METTL15: variants seen among roughly 807,000 people sequenced by gnomAD.
METTL15 encodes methyltransferase 15, mitochondrial 12S rRNA N4-cytidine.
METTL15 carries 34 observed loss-of-function variants against 38.3 expected under a neutral mutation model. The ratio of observed to expected loss-of-function variants is 0.89; its 90% CI spans 0.68 to 1.18. METTL15 has a LOEUF of 1.18. Among genes scored for constraint, METTL15 ranks in the 50% most tolerant of loss-of-function variants. The pLI, the probability that METTL15 is intolerant of heterozygous loss-of-function variation, is 0.00. For missense variants in METTL15, 438 were observed against 498.4 expected (o/e 0.88, Z 1.15); for synonymous variants, 162 against 170.9 (o/e 0.95, Z 0.41).
chr11:28,361,536 AT>A (rs1850138696), intron 4 of METTL15, among the ~76,000 whole-genome samples: 2 of 152,110 alleles, frequency 1.3e-5, no homozygotes, highest in South Asian at 4.1e-4. Context: ...AAGAAAGAAA[AT>A]ATCTCCCTCT....
chr11:28,452,727 T>C (rs1052509510), intron 6 of METTL15, among the ~76,000 whole-genome samples: 1 of 152,228 alleles, frequency 6.6e-6, no homozygotes, highest in Non-Finnish European at 1.5e-5. Context: ...GTTCATATTG[T>C]TGAGCCTATG....
At chr11:28,141,069 T>C (rs1849683291) in intron 3 of METTL15, among the ~76,000 whole-genome samples, 1 of 152,184 alleles carries the variant, frequency 6.6e-6, no homozygotes, top group Non-Finnish European at 1.5e-5. Context: ...AGATAGTGTT[T>C]AGTCATAGCA....
chr11:28,220,714 C>T (rs1853166951), intron 4 of METTL15, among the ~76,000 whole-genome samples: 2 of 152,070 alleles, frequency 1.3e-5, no homozygotes, highest in South Asian at 2.1e-4. Context: ...TGTTCGTTTC[C>T]ATGTTTAGTG....
intron 4 of METTL15, among the ~76,000 whole-genome samples, chr11:28,262,651 C>T (rs1415777722): frequency 6.6e-6 from 1 of 152,042 alleles, no homozygotes; most frequent in African/African-American, 2.4e-5. Context: ...ATACTGGATC[C>T]TACTTGCCAT....
In METTL15 at chr11:28,437,630, A is replaced by G. The variant is rs1296280566; in HGVS notation, c.*424+13266A>G. On this transcript the variant is annotated intron_variant and NMD_transcript_variant, in intron 6 of 7. Transcript: ENST00000532947. ...ATACTTGAATGTCAAAATTTGCCTC[A>G]ATTTACAGTTTTGCTTAAATCTCTC... 3.3e-5 allele frequency among the ~76,000 whole-genome samples: 5 copies of G among 152,176 alleles called. 1 individual carries two copies. The East Asian group carries it at 9.6e-4, about 29-fold the overall frequency.
intron 5 of METTL15, among the ~76,000 whole-genome samples, chr11:28,418,772 G>T (rs537493291): frequency 3.3e-5 from 5 of 152,250 alleles, no homozygotes; most frequent in Admixed American, 6.5e-5. Context: ...TGGCAATTAG[G>T]GCAGGCAAAG....
At chr11:28,216,552 G>T (rs554934103) in intron 4 of METTL15, among the ~76,000 whole-genome samples, 1 of 152,052 alleles carries the variant, frequency 6.6e-6, no homozygotes, top group African/African-American at 2.4e-5. Context: ...ACACAATCTA[G>T]TAGTGAGAAA....
intron 3 of METTL15, among the ~76,000 whole-genome samples, chr11:28,141,061 AT>A (rs1192617243): frequency 3.9e-5 from 6 of 152,200 alleles, no homozygotes; most frequent in Non-Finnish European, 5.9e-5. Flanking sequence ...TGCAGCAGAG[AT>A]AGTGTTTAGT....
intron 4 of METTL15, among the ~76,000 whole-genome samples, chr11:28,231,830 A>G (rs1360388208): frequency 6.6e-6 from 1 of 151,864 alleles, no homozygotes; most frequent in South Asian, 2.1e-4. Context: ...TGCTACCTTT[A>G]TCCAAGCTTT....
intron 6 of METTL15, among the ~76,000 whole-genome samples, chr11:28,503,752 C>T (rs567436646): frequency 6.6e-6 from 1 of 151,430 alleles, no homozygotes; most frequent in East Asian, 2.0e-4. Context: ...GATCGTGCCA[C>T]TGCACTCCAG....
chr11:28,135,725 A>T (rs534278002), intron 3 of METTL15, among the ~76,000 whole-genome samples: 116 of 152,332 alleles, frequency 7.6e-4, no homozygotes, highest in African/African-American at 2.7e-3. Flanking sequence ...TAGTTTCCAA[A>T]TTCTGGAGAT....
chr11:28,159,132 C>A (rs940013923), intron 3 of METTL15, among the ~76,000 whole-genome samples: 1 of 152,066 alleles, frequency 6.6e-6, no homozygotes, highest in African/African-American at 2.4e-5. Flanking sequence ...CACAAAAATT[C>A]CATTAAACTG....
At chr11:28,155,207 A>G (rs1002488505) in intron 3 of METTL15, among the ~76,000 whole-genome samples, 6 of 152,144 alleles carry the variant, frequency 3.9e-5, no homozygotes, top group Admixed American at 2.6e-4. Context: ...ATTAGATCCA[A>G]TACATCCCCA....
chr11:28,375,562 T>C (rs1365564264), intron 5 of METTL15, among the ~76,000 whole-genome samples: 4 of 152,158 alleles, frequency 2.6e-5, no homozygotes, highest in Non-Finnish European at 4.4e-5. Context: ...TCTCTTTTTT[T>C]CTTTATTAGT....
chr11:28,137,533 A>G (rs1447847872), intron 3 of METTL15, among the ~76,000 whole-genome samples: 1 of 152,156 alleles, frequency 6.6e-6, no homozygotes, highest in Non-Finnish European at 1.5e-5. Flanking sequence ...ACTCTTTCCA[A>G]CATAGTTAAG....
intron 6 of METTL15, among the ~76,000 whole-genome samples, chr11:28,435,249 T>C (rs1343859829): frequency 6.6e-6 from 1 of 152,144 alleles, no homozygotes; most frequent in Non-Finnish European, 1.5e-5. Context: ...CTGCTCTTAA[T>C]CCAAAAAGTT....
intron 4 of METTL15, among the ~76,000 whole-genome samples, chr11:28,223,511 G>A (rs905941202): frequency 6.6e-6 from 1 of 152,030 alleles, no homozygotes; most frequent in Non-Finnish European, 1.5e-5. Context: ...CTGTAGTAGG[G>A]CACAGAATGA....
chr11:28,314,512 G>T (rs772927216), intron 6 of METTL15, among the ~76,000 whole-genome samples: 35 of 152,150 alleles, frequency 2.3e-4, no homozygotes, highest in Non-Finnish European at 4.1e-4. Context: ...TTTGTAATGG[G>T]TCTCAAATAT....
chr11:28,211,823 C>T (rs1272084483), intron 4 of METTL15, among the ~76,000 whole-genome samples: 2 of 151,940 alleles, frequency 1.3e-5, no homozygotes, highest in African/African-American at 4.8e-5. Flanking sequence ...AGAAAAATAT[C>T]TTGGAGCTAA....
Sources: allele counts gnomAD v4.1 joint callset (sites outside exome capture counted in the v4.1 genomes callset), GRCh38; gene constraint gnomAD v4.1.1; transcripts MANE v1.5; gene names NCBI Gene and HGNC (gene_info 2026-07-23, HGNC 2026-07-21).